Variants in KAZN observed in about 807,000 individuals in gnomAD.
KAZN encodes kazrin.
Under a neutral mutation model 87.4 loss-of-function variants are expected in KAZN, and 40 were observed. The ratio of observed to expected loss-of-function variants is 0.46; its 90% confidence interval spans 0.36 to 0.60. The LOEUF (loss-of-function observed/expected upper bound fraction) is 0.60, where lower values mean the gene tolerates loss of function less well. Among genes scored for constraint, KAZN ranks in the 20% least tolerant of loss-of-function variants. The pLI, the probability that KAZN is intolerant of heterozygous loss-of-function variation, is 0.00. For synonymous variants in KAZN, 466 were observed against 458.3 expected (o/e 1.02, Z -0.22); for missense variants, 898 against 1,073.9 (o/e 0.84, Z 2.29).
At chr1:13,974,262 G>A (rs1433498319) in intron 1 of KAZN, among the ~76,000 whole-genome samples, 2 of 152,218 alleles carry the variant, frequency 1.3e-5, no homozygotes, top group Non-Finnish European at 2.9e-5. Flanking sequence ...AAACCACATT[G>A]TACAAACAAT....
chr1:14,148,050 T>C (rs1389027078), intron 1 of KAZN, among the ~76,000 whole-genome samples: 3 of 151,718 alleles, frequency 2.0e-5, no homozygotes, highest in Non-Finnish European at 4.4e-5. Context: ...TGAGACCCTA[T>C]CTCTACAAAA....
At chr1:14,872,855 C>T (rs1026860810) in intron 1 of KAZN, among the ~76,000 whole-genome samples, 4 of 147,198 alleles carry the variant, frequency 2.7e-5, no homozygotes, top group African/African-American at 1.0e-4. Context: ...CAGACGGATA[C>T]ATAGATGAAT....
intron 1 of KAZN, among the ~76,000 whole-genome samples, chr1:14,039,711 C>T (rs1557426670): frequency 6.6e-6 from 1 of 152,206 alleles, no homozygotes; most frequent in Admixed American, 6.5e-5. Flanking sequence ...TCAATATAAA[C>T]AGCCTTGTAG....
intron 1 of KAZN, among the ~76,000 whole-genome samples, chr1:14,022,485 C>CAAAAAAAAAAAAAAAAAA (rs58713618): frequency 4.5e-5 from 5 of 110,480 alleles, no homozygotes; most frequent in African/African-American, 9.8e-5. Flanking sequence ...GTATTTAAAG[C>CAAAAAAAAAAAAAAAAAA]AAAAAAAAAA....
At chr1:14,933,752 C>T (rs530718143) in intron 1 of KAZN, among the ~76,000 whole-genome samples, 1 of 152,174 alleles carries the variant, frequency 6.6e-6, no homozygotes, top group African/African-American at 2.4e-5. Context: ...AAGCCATCCT[C>T]CTGCCTCAGC....
intron 1 of KAZN, among the ~76,000 whole-genome samples, chr1:14,149,932 T>A (rs923719883): frequency 6.6e-6 from 1 of 152,270 alleles, no homozygotes; most frequent in South Asian, 2.1e-4. Context: ...TATTATATAT[T>A]CTGAAAACTG....
chr1:14,395,961 G>T (rs372052735), intron 2 of KAZN, among the ~76,000 whole-genome samples: 1 of 151,930 alleles, frequency 6.6e-6, no homozygotes, highest in Admixed American at 6.6e-5. Context: ...GAGGTCAGAC[G>T]CTCGAGACCA....
chr1:14,133,961 G>A (rs770104500), intron 1 of KAZN, among the ~76,000 whole-genome samples: 10 of 152,168 alleles, frequency 6.6e-5, no homozygotes, highest in Non-Finnish European at 1.3e-4. Flanking sequence ...CATAGGGGAC[G>A]ACACAGTTCT....
intron 2 of KAZN, among the ~76,000 whole-genome samples, chr1:14,432,125 A>G (rs1666107775): frequency 6.6e-6 from 1 of 152,172 alleles, no homozygotes; most frequent in African/African-American, 2.4e-5. Context: ...TTTCCCCGCA[A>G]GCCTACTAGC....
intron 2 of KAZN, among the ~76,000 whole-genome samples, chr1:14,305,597 T>C (rs1654863026): frequency 1.3e-5 from 2 of 152,068 alleles, no homozygotes; most frequent in African/African-American, 4.8e-5. Context: ...TTACCCCAGT[T>C]AATCTAGGGC....
chr1:14,290,344 G>C (rs542001137), intron 2 of KAZN, among the ~76,000 whole-genome samples: 28 of 152,082 alleles, frequency 1.8e-4, no homozygotes, highest in Non-Finnish European at 3.8e-4. Flanking sequence ...TTTTCACATA[G>C]TCCCATATTT....
intron 2 of KAZN, among the ~76,000 whole-genome samples, chr1:14,586,551 T>TA (rs1211625039): frequency 3.6e-5 from 5 of 140,008 alleles, no homozygotes; most frequent in African/African-American, 8.2e-5. Context: ...TTTTTAGAGA[T>TA]AGAGTCTTAT....
intron 2 of KAZN, among the ~76,000 whole-genome samples, chr1:14,421,559 A>G (rs1213944828): frequency 1.3e-5 from 2 of 152,150 alleles, no homozygotes; most frequent in Non-Finnish European, 2.9e-5. Flanking sequence ...TGTGATTCTG[A>G]GACATTGTGG....
intron 2 of KAZN, among the ~76,000 whole-genome samples, chr1:14,201,756 C>T (rs1232794638): frequency 6.6e-6 from 1 of 152,250 alleles, no homozygotes; most frequent in African/African-American, 2.4e-5. Context: ...GCAACCTCCG[C>T]ATCCCAGGTT....
chr1:14,980,526 A>G (rs776700173), intron 2 of KAZN, among the ~76,000 whole-genome samples: 1 of 152,154 alleles, frequency 6.6e-6, no homozygotes, highest in Non-Finnish European at 1.5e-5. Flanking sequence ...CTGGACAGGA[A>G]TAGGAACATC....
intron 1 of KAZN, among the ~76,000 whole-genome samples, chr1:14,148,078 G>A (rs149674558): frequency 3.3e-5 from 5 of 151,432 alleles, no homozygotes; most frequent in African/African-American, 4.9e-5. Context: ...AAAATTAGCC[G>A]GGTGTGGTGG....
rs111977106 is a variant in KAZN, at chr1:14,225,104, C to T, written c.249+44512C>T. Among the ~76,000 whole-genome samples the T allele has an allele frequency of 4.9e-4, 75 of 152,218 alleles. 1 individual carries two copies. The highest frequency in any genetic ancestry group is 1.7e-3 in the African/African-American group (72 of 41,558). On this transcript the variant is annotated intron_variant, in intron 2 of 16. Coordinates refer to the KAZN transcript ENST00000636203. The stretch of plus-strand genomic sequence containing the variant: ...ACATCCAAAGAGAAAGAAGAAAAGT[C>T]AAACTATCTCTGTTTGCAGACAATA...
At chr1:14,146,475 G>A (rs1645351656) in intron 1 of KAZN, among the ~76,000 whole-genome samples, 1 of 143,776 alleles carries the variant, frequency 7.0e-6, no homozygotes, top group South Asian at 2.2e-4. Flanking sequence ...GACGGAAGTT[G>A]CAGTAGGCCA....
At position 14,773,946 on chromosome 1, in the gene KAZN, G is replaced by A. The variant is rs116675300; in HGVS notation, c.226+174723G>A. 3.9e-3 allele frequency among the ~76,000 whole-genome samples: 589 copies of A among 152,330 alleles called. 6 individuals carry two copies. Among genetic ancestry groups the A allele is most frequent in the African/African-American group, 0.013 (557 of 41,584 alleles). ...TAATTAGAAAAAAGTGGTTCTCACC[G>A]CCAAAGCCCTCCAGCCCATGGCTGC... On this transcript the variant is annotated intron_variant, in intron 1 of 14. Coordinates refer to ENST00000376030, the MANE Select transcript of KAZN (RefSeq NM_201628.3). This position sits in a 1 kb window ranked among gnomAD's most constrained non-coding sequence, Gnocchi z 5.9.
Sources: gnomAD v4.1 joint callset for allele counts (sites outside exome capture counted in the v4.1 genomes callset) on GRCh38, gnomAD v4.1.1 for gene constraint, Gnocchi (gnomAD v3.1) non-coding constraint, MANE v1.5 for transcripts, NCBI Gene and HGNC (gene_info 2026-07-23, HGNC 2026-07-21) for gene names.